Variants in GOPC observed in about 807,000 individuals in gnomAD.
The protein encoded by GOPC is golgi associated PDZ and coiled-coil motif containing.
Under a neutral mutation model 51.2 loss-of-function variants are expected in GOPC, and 32 were observed. The ratio of observed to expected loss-of-function variants is 0.63; its 90% CI spans 0.47 to 0.84. The LOEUF is 0.84. GOPC is among the 40% of genes least tolerant of loss of function. The pLI is 0.00. For synonymous variants in GOPC, 190 were observed against 205.1 expected (o/e 0.93, Z 0.63); for missense variants, 441 against 555.5 (o/e 0.79, Z 2.07).
chr6:117,560,733 T>G lies in GOPC; in HGVS notation c.*2521A>C, dbSNP rs540914403. The G allele has an allele frequency of 6.3e-4, 128 of 203,972 alleles. No individual in the cohort carries two copies. The highest frequency in any genetic ancestry group is 8.5e-4 in the Non-Finnish European group (84 of 99,382). 12.6% of individuals were successfully genotyped at this position (203,972 alleles called of 1,614,324 possible). A position where few individuals can be genotyped will look rare whatever the true frequency, so the allele number is the denominator to read the frequency against. On this transcript the variant is annotated 3_prime_UTR_variant, in exon 9 of 9. Coordinates refer to ENST00000368498, the MANE Select transcript of GOPC (RefSeq NM_020399.4). The stretch of plus-strand genomic sequence containing the variant: ...ATACTGTAGAAGAGAATTTTAGAGG[T>G]TAAGTGTAAATATATACACGCACAC...
chr6:117,564,300 A>G (rs1031946049), intron 8 of GOPC, among the ~76,000 whole-genome samples: 2 of 152,176 alleles, frequency 1.3e-5, no homozygotes, highest in Non-Finnish European at 2.9e-5. Flanking sequence ...AGTAATACAT[A>G]TAATTGTAAA....
intron 4 of GOPC, 93 bp downstream of exon 4, chr6:117,575,084 A>C: frequency 9.6e-7 from 1 of 1,047,094 alleles, no homozygotes; most frequent in Non-Finnish European, 1.4e-6. Context: ...ATCTCAAAAA[A>C]ATAAAAAATA....
At chr6:117,579,957 T>C (rs1211741890) in intron 1 of GOPC, among the ~76,000 whole-genome samples, 1 of 152,070 alleles carries the variant, frequency 6.6e-6, no homozygotes, top group Non-Finnish European at 1.5e-5. Context: ...TAAAATAATG[T>C]GGCAAGTTAT....
intron 1 of GOPC, among the ~76,000 whole-genome samples, chr6:117,598,304 T>C (rs948465763): frequency 6.6e-6 from 1 of 151,684 alleles, no homozygotes; most frequent in Non-Finnish European, 1.5e-5. Flanking sequence ...AGCTGGGAGT[T>C]GGAGGCCACA....
intron 1 of GOPC, among the ~76,000 whole-genome samples, chr6:117,598,486 A>G (rs1030902555): frequency 2.0e-5 from 3 of 152,186 alleles, no homozygotes; most frequent in Admixed American, 6.5e-5. Context: ...AGCGGTCACC[A>G]ATGTTTTTGG....
chr6:117,593,490 T>C (rs1780149107), intron 1 of GOPC, among the ~76,000 whole-genome samples: 1 of 152,202 alleles, frequency 6.6e-6, no homozygotes, highest in Admixed American at 6.5e-5. Flanking sequence ...CTTCTTGCTA[T>C]CTATTCAGCC....
intron 1 of GOPC, 104 bp downstream of exon 1, chr6:117,601,900 G>T: frequency 1.6e-6 from 2 of 1,275,172 alleles, no homozygotes; most frequent in African/African-American, 1.5e-5. Flanking sequence ...TTGAAGCCCC[G>T]GTGGGCAGTT....
At chr6:117,564,968 G>C (rs1360168962) in intron 8 of GOPC, among the ~76,000 whole-genome samples, 1 of 152,062 alleles carries the variant, frequency 6.6e-6, no homozygotes, top group African/African-American at 2.4e-5. Flanking sequence ...CAACATTTTG[G>C]TCTCAGGAGG....
chr6:117,595,862 T>C (rs942603794), intron 1 of GOPC, among the ~76,000 whole-genome samples: 5 of 152,282 alleles, frequency 3.3e-5, no homozygotes, highest in African/African-American at 1.2e-4. Context: ...AGTATAAACA[T>C]GTTTGCAAGT....
rs187745619 is a variant in GOPC at position 117,567,109 on chromosome 6, G to C, written c.1078-75C>G. The C allele has an allele frequency of 1.6e-4, 179 of 1,123,744 alleles. No individual in the cohort carries two copies. The African/African-American group carries it at 2.5e-3, about 16-fold the overall frequency. 69.6% of individuals were successfully genotyped at this position (1,123,744 alleles called of 1,614,324 possible). A position where few individuals can be genotyped will look rare whatever the true frequency, so the allele number is the denominator to read the frequency against. On this transcript the variant is annotated intron_variant, in intron 7 of 8. Transcript: ENST00000368498. ...TAAAAAGGATTTCCAAATTCTTTGT[G>C]GGAAGGCTTAGGGGTAGAGAGATCT...
In GOPC at chr6:117,561,224, CA is replaced by C. The variant is rs1365902704; in HGVS notation, c.*2029del. The C allele has an allele frequency of 1.8e-5, 4 of 223,368 alleles. No homozygotes were observed. Among genetic ancestry groups the C allele is most frequent in the Non-Finnish European group, 3.6e-5 (4 of 111,982 alleles). The allele number at this position is 223,368 out of a possible 1,614,324, so 13.8% of individuals were successfully genotyped here. On this transcript the variant is annotated 3_prime_UTR_variant, in exon 9 of 9. Transcript: ENST00000368498. ...ATCATGACAATCTCACACAATTCTTCAAATTACACAGTGACCTCATAAAAAT... is the reference window on the plus strand; with the variant it reads ...ATCATGACAATCTCACACAATTCTTCAATTACACAGTGACCTCATAAAAAT...
intron 1 of GOPC, among the ~76,000 whole-genome samples, chr6:117,587,544 T>C (rs942544332): frequency 1.3e-5 from 2 of 151,342 alleles, no homozygotes; most frequent in African/African-American, 4.8e-5. Context: ...AAACTACAAA[T>C]TGTAATGAGC....
chr6:117,570,421 G>A (rs924731612), intron 6 of GOPC, among the ~76,000 whole-genome samples: 8 of 151,622 alleles, frequency 5.3e-5, no homozygotes, highest in African/African-American at 1.9e-4. Flanking sequence ...ACTCCTAAAG[G>A]CATCGAATTT....
chr6:117,588,856 G>GT lies in GOPC; in HGVS notation c.286-9793dup, dbSNP rs553057539. The stretch of plus-strand genomic sequence containing the variant: ...GAGCTCTTTGGGGTTCTCAAAATTT[G>GT]TAAGAATGCAAAGGACTCCAGAAAC... On this transcript the variant is annotated intron_variant, in intron 1 of 8. Coordinates refer to ENST00000368498, the MANE Select transcript of GOPC (RefSeq NM_020399.4). Among the ~76,000 whole-genome samples, 612 of 149,758 alleles carry GT rather than the reference G, an allele frequency of 4.1e-3. 1 individual carries two copies. The highest frequency in any genetic ancestry group is 6.9e-3 in the Middle Eastern group (2 of 290).
At position 117,575,262 on chromosome 6, in the gene GOPC, G is replaced by A. The variant is rs1779863762; in HGVS notation, c.565C>T (p.Leu189Phe). ...VKLLRKENEA[L>F]RRHIAVLQAE... ...TGGAGAACAGCTATATGTCTACGAAGGGCTTCATTCTCTTTTCTCAACAAT... is the reference window on the plus strand; with the variant it reads ...TGGAGAACAGCTATATGTCTACGAAAGGCTTCATTCTCTTTTCTCAACAAT... The change falls in exon 4 of 9, where the codon CTT becomes TTT. Residue 189 changes from leucine to phenylalanine, a missense_variant. Physicochemically the swap from Leu to Phe is conservative, Grantham distance 22. Around this residue, in one of 3 missense-constraint regions of GOPC, gnomAD observed 204 missense variants for 219.8 expected, o/e 0.93. Transcript: ENST00000368498. The A allele has an allele frequency of 1.2e-6, 2 of 1,613,614 alleles. No individual in the cohort carries two copies. The highest frequency in any genetic ancestry group is 1.7e-6 in the Non-Finnish European group (2 of 1,179,722).
chr6:117,583,808 T>A (rs1327185658), intron 1 of GOPC, among the ~76,000 whole-genome samples: 1 of 152,188 alleles, frequency 6.6e-6, no homozygotes, highest in Non-Finnish European at 1.5e-5. Flanking sequence ...CTAGTTGACA[T>A]CTCACTTCCC....
chr6:117,595,966 G>A (rs1780191330), intron 1 of GOPC, among the ~76,000 whole-genome samples: 1 of 151,886 alleles, frequency 6.6e-6, no homozygotes, highest in Non-Finnish European at 1.5e-5. Flanking sequence ...GTTCTTTGAG[G>A]AATCTCCACA....
In GOPC at chr6:117,586,436, CCTGGAA is replaced by C. The variant is rs141124718; in HGVS notation, c.286-7378_286-7373del. 8.0e-3 allele frequency among the ~76,000 whole-genome samples: 1,198 copies of C among 149,752 alleles called. 13 individuals carry two copies. The highest frequency in any genetic ancestry group is 0.025 in the African/African-American group (1,038 of 40,832). On this transcript the variant is annotated intron_variant, in intron 1 of 8. Transcript: ENST00000368498. ...TTTATCTGGCAAAACTGTCTTTTTT[CCTGGAA>C]CTAAACTTTTAAAAGAATGCATCAC...
At chr6:117,574,690 C>T (rs541389055) in intron 4 of GOPC, among the ~76,000 whole-genome samples, 6 of 152,202 alleles carry the variant, frequency 3.9e-5, no homozygotes, top group South Asian at 2.1e-4. Flanking sequence ...ACTAGATCTG[C>T]GATACATAAT....
Sources: allele counts gnomAD v4.1 joint callset (sites outside exome capture counted in the v4.1 genomes callset), GRCh38; gene constraint gnomAD v4.1.1; regional missense constraint gnomAD v4.1.1; transcripts MANE v1.5; gene names NCBI Gene and HGNC (gene_info 2026-07-23, HGNC 2026-07-21).